The following ANKRD40 variants were observed in gnomAD, a reference collection of about 807,000 sequenced individuals.
The protein encoded by ANKRD40 is ankyrin repeat domain 40, also known as ankyrin repeat domain-containing protein 40.
Under a neutral mutation model 35.5 loss-of-function variants are expected in ANKRD40, and 24 were observed. The ratio of observed to expected loss-of-function variants is 0.68; its 90% CI spans 0.49 to 0.95. ANKRD40 has a LOEUF of 0.95. Ranked by LOEUF, ANKRD40 falls within the 40% of genes least tolerant of loss-of-function variation. ANKRD40 has a pLI of 0.00. For synonymous variants in ANKRD40, 147 were observed against 173.5 expected, an observed-to-expected ratio of 0.85 and a Z score of 1.20; for missense variants, 361 against 436.0, an observed-to-expected ratio of 0.83 and a Z score of 1.53.
At chr17:50,696,825 T>C in intron 4 of ANKRD40, 115 bp downstream of exon 4, 2 of 985,918 alleles carry the variant, frequency 2.0e-6, no homozygotes, top group South Asian at 2.0e-5. Context: ...GGAAAATCAC[T>C]CTTTGCTCCT....
At chr17:50,703,214 A>C (rs915248204) in intron 1 of ANKRD40, among the ~76,000 whole-genome samples, 1 of 152,236 alleles carries the variant, frequency 6.6e-6, no homozygotes, top group Non-Finnish European at 1.5e-5. Flanking sequence ...CTTCATAATA[A>C]GAAAACAACA....
rs200948283 is a variant in ANKRD40, at chr17:50,695,988, C to T, written c.*9G>A. The stretch of plus-strand genomic sequence containing the variant: ...GTCATAATACTCAGTGATAAAAGTC[C>T]CTGCTGCATTAGTAAGTCAGTTTTG... On this transcript the variant is annotated 3_prime_UTR_variant, in exon 5 of 5. Transcript: ENST00000285243. 1 of 1,613,738 alleles carries T rather than the reference C, an allele frequency of 6.2e-7. No homozygotes were observed. Among genetic ancestry groups the T allele is most frequent in the East Asian group, 2.2e-5 (1 of 44,886 alleles).
At chr17:50,700,454 A>C in intron 2 of ANKRD40, 114 bp downstream of exon 2, 1 of 1,154,098 alleles carries the variant, frequency 8.7e-7, no homozygotes, top group Non-Finnish European at 1.2e-6. Context: ...GGAAAAAAAA[A>C]AAAAAAGAAA....
intron 1 of ANKRD40, chr17:50,701,000 T>A: frequency 3.3e-6 from 1 of 300,794 alleles, no homozygotes; most frequent in South Asian, 5.0e-5. Flanking sequence ...CTAACTCCAA[T>A]GATACCGTGG....
chr17:50,704,999 AG>A lies in ANKRD40; in HGVS notation c.134+2521del, dbSNP rs1968314945. ...CGTGGTGGCGGGCACCTGTAGTCCC[AG>A]CTACTCGGGAGGCTGAGGCAGGAGA... On this transcript the variant is annotated intron_variant, in intron 1 of 4. Transcript: ENST00000285243. Among the ~76,000 whole-genome samples the A allele has an allele frequency of 2.0e-5, 3 of 151,962 alleles. No homozygotes were observed. The South Asian group carries it at 6.2e-4, about 32-fold the overall frequency.
chr17:50,694,129 C>CAAAAAAAAAAAACA lies in ANKRD40; in HGVS notation c.*1867_*1868insTGTTTTTTTTTTTT, dbSNP rs528892232. Reference sequence around the variant, plus strand: ...TGGGCAACAAAGCAAGACTCCGTCTCAAAAAAAAAAAGAAAAGAAACACCA... The same window carrying CAAAAAAAAAAAACA: ...TGGGCAACAAAGCAAGACTCCGTCTCAAAAAAAAAAAACAAAAAAAAAAAAGAAAAGAAACACCA... On this transcript the variant is annotated 3_prime_UTR_variant, in exon 5 of 5. Transcript: ENST00000285243. 1 of 65,736 alleles carries CAAAAAAAAAAAACA rather than the reference C, an allele frequency of 1.5e-5. No homozygotes were observed. Among genetic ancestry groups the CAAAAAAAAAAAACA allele is most frequent in the African/African-American group, 6.3e-5 (1 of 15,876 alleles). The allele number at this position is 65,736 out of a possible 1,614,324, so 4.1% of individuals were successfully genotyped here.
chr17:50,707,431 G>T lies in ANKRD40; in HGVS notation c.134+90C>A. ...AGGTGGCAGGCCTCGCCGTAGCCAG[G>T]CGTCCCGCGCTGGGCCCAGGTCGCG... On this transcript the variant is annotated intron_variant, in intron 1 of 4. Transcript: ENST00000285243. This position sits in a 1 kb window ranked among gnomAD's most constrained non-coding sequence, Gnocchi z 4.8. The T allele has an allele frequency of 7.9e-6, 12 of 1,521,184 alleles. No individual in the cohort carries two copies. The highest frequency in any genetic ancestry group is 9.7e-6 in the Non-Finnish European group (11 of 1,132,312). The allele number at this position is 1,521,184 out of a possible 1,614,324, so 94.2% of individuals were successfully genotyped here. A position where few individuals can be genotyped will look rare whatever the true frequency, so the allele number is the denominator to read the frequency against.
At position 50,700,659 on chromosome 17, in the gene ANKRD40, T is replaced by C. The variant is rs1053215699; in HGVS notation, c.192A>G (p.Leu64=). The change falls in exon 2 of 5, where the codon TTA becomes TTG. Residue 64 remains leucine (L), a synonymous_variant. Coordinates refer to ENST00000285243, the MANE Select transcript of ANKRD40 (RefSeq NM_052855.4). The part of the protein sequence containing the change: ...RNHGQVVSYL[L]KSGADKEILT... ...GAATTTCTTTGTCAGCTCCTGATTT[T>C]AACAGGTAAGAGACCACCTGACCAT... 37 of 1,614,012 alleles carry C rather than the reference T, an allele frequency of 2.3e-5. No homozygotes were observed. The highest frequency in any genetic ancestry group is 2.7e-5 in the Non-Finnish European group (32 of 1,180,030).
chr17:50,699,725 G>A lies in ANKRD40; in HGVS notation c.452C>T (p.Pro151Leu), dbSNP rs1416610231. The A allele has an allele frequency of 3.7e-6, 6 of 1,613,032 alleles. No homozygotes were observed. In the East Asian group the frequency reaches 1.3e-4, roughly 36 times the overall value. Residue 151 changes from proline (P) to leucine (L), a missense_variant, in exon 3 of 5, where the codon CCC (proline) becomes CTC (leucine). By Grantham distance (98) the Pro-to-Leu change is moderately conservative. Around this residue, in one of 5 missense-constraint regions of ANKRD40, gnomAD observed 172 missense variants for 174.0 expected, o/e 0.99. Coordinates refer to ENST00000285243, the MANE Select transcript of ANKRD40 (RefSeq NM_052855.4). ...AQMQNGGPST[P>L]PASPPADGSP... ...GCCATCTGCAGGGGGTGATGCAGGG[G>A]GTGTGGAGGGGCCCCCATTCTGCAT... is the stretch of plus-strand genomic sequence containing the variant.
chr17:50,696,136 T>A lies in ANKRD40; in HGVS notation c.968A>T (p.Asp323Val). 6.2e-7 allele frequency: 1 copy of A among 1,613,694 alleles called. No individual in the cohort carries two copies. Among genetic ancestry groups the A allele is most frequent in the Non-Finnish European group, 8.5e-7 (1 of 1,179,878 alleles). Reference sequence around the variant, plus strand: ...CTGGAAATCTTGGAGTCGAGCAACATCCTTGTCCTAAAACAAAAATATGTT... The same window carrying A: ...CTGGAAATCTTGGAGTCGAGCAACAACCTTGTCCTAAAACAAAAATATGTT... ...LPNTLLRKDK[D>V]VARLQDFQEL... The change falls in exon 5 of 5, where the codon GAT becomes GTT. Residue 323 changes from aspartate to valine, a missense_variant. Asp to Val is a radical substitution (Grantham distance 152). Around this residue, in one of 5 missense-constraint regions of ANKRD40, gnomAD observed 93 missense variants for 129.6 expected, o/e 0.72. Transcript: ENST00000285243.
intron 1 of ANKRD40, 79 bp from the exon 2 acceptor site, chr17:50,700,795 A>T: frequency 7.3e-7 from 1 of 1,373,278 alleles, no homozygotes; most frequent in Non-Finnish European, 9.9e-7. Flanking sequence ...TAAATAATGT[A>T]TAAACAAGCC....
chr17:50,701,734 C>A (rs1177555802), intron 1 of ANKRD40, among the ~76,000 whole-genome samples: 1 of 152,128 alleles, frequency 6.6e-6, no homozygotes, highest in East Asian at 1.9e-4. Context: ...GCTCTTATAG[C>A]CAAATACAGA....
intron 3 of ANKRD40, among the ~76,000 whole-genome samples, chr17:50,698,291 C>T (rs1213407842): frequency 6.6e-6 from 1 of 151,972 alleles, no homozygotes; most frequent in Non-Finnish European, 1.5e-5. Context: ...AAGACACATG[C>T]AAGGGACATA....
chr17:50,701,034 A>G (rs1968267290), intron 1 of ANKRD40: 2 of 201,290 alleles, frequency 9.9e-6, no homozygotes, highest in Admixed American at 5.4e-5. Context: ...AGTATCGCTC[A>G]TTAGATCATC....
At position 50,707,390 on chromosome 17, in the gene ANKRD40, C is replaced by T; in HGVS notation, c.134+131G>A. On this transcript the variant is annotated intron_variant, in intron 1 of 4. Coordinates refer to ENST00000285243, the MANE Select transcript of ANKRD40 (RefSeq NM_052855.4). This position sits in a 1 kb window ranked among gnomAD's most constrained non-coding sequence, Gnocchi z 4.8. ...GGCCAGGGCTGGCCTCAAGAGAGCACAATCTCGGAGGCCCGAGGTGGCAGG... is the reference window on the plus strand; with the variant it reads ...GGCCAGGGCTGGCCTCAAGAGAGCATAATCTCGGAGGCCCGAGGTGGCAGG... The T allele has an allele frequency of 7.3e-7, 1 of 1,376,324 alleles. No homozygotes were observed. The highest frequency in any genetic ancestry group is 9.8e-7 in the Non-Finnish European group (1 of 1,023,652). 85.3% of individuals were successfully genotyped at this position (1,376,324 alleles called of 1,614,324 possible). A position where few individuals can be genotyped will look rare whatever the true frequency, so the allele number is the denominator to read the frequency against.
intron 2 of ANKRD40, 93 bp downstream of exon 2, chr17:50,700,475 A>C: frequency 1.5e-5 from 17 of 1,155,922 alleles, no homozygotes; most frequent in South Asian, 1.6e-5. Context: ...GAAATAGAGC[A>C]GTTGTTTGAC....
At chr17:50,706,100 C>G (rs1192972685) in intron 1 of ANKRD40, among the ~76,000 whole-genome samples, 1 of 150,498 alleles carries the variant, frequency 6.6e-6, no homozygotes, top group Non-Finnish European at 1.5e-5. Flanking sequence ...GATGATTCCA[C>G]TTAAAAAAAC....
At chr17:50,702,610 C>A (rs1968284910) in intron 1 of ANKRD40, among the ~76,000 whole-genome samples, 1 of 152,114 alleles carries the variant, frequency 6.6e-6, no homozygotes, top group African/African-American at 2.4e-5. Flanking sequence ...AATATGCTCC[C>A]TTTTGGAAAT....
chr17:50,696,247 GAA>G (rs201633992), intron 4 of ANKRD40, 104 bp from the exon 5 acceptor site: 306 of 1,085,150 alleles, frequency 2.8e-4, no homozygotes, highest in Middle Eastern at 3.1e-4. Flanking sequence ...AAACCTAGAA[GAA>G]AAAAAAAAAT....
Sources: gnomAD v4.1 joint callset for allele counts (sites outside exome capture counted in the v4.1 genomes callset) on GRCh38, gnomAD v4.1.1 for gene constraint, gnomAD v4.1.1 regional missense constraint, Gnocchi (gnomAD v3.1) non-coding constraint, MANE v1.5 for transcripts, NCBI Gene and HGNC (gene_info 2026-07-23, HGNC 2026-07-21) for gene names.